ARHGAP44: variants seen among roughly 807,000 people sequenced by gnomAD.
ARHGAP44 encodes rho GTPase-activating protein 44.
Under a neutral mutation model 106.8 loss-of-function variants are expected in ARHGAP44, and 43 were observed. That is an observed-to-expected ratio of 0.40 (90% CI 0.32 to 0.52). The LOEUF (loss-of-function observed/expected upper bound fraction) is 0.52. Ranked by LOEUF, ARHGAP44 falls within the 20% of genes least tolerant of loss-of-function variation. ARHGAP44 has a pLI of 0.48. For missense variants in ARHGAP44, 866 were observed against 1,050.5 expected (o/e 0.82, Z 2.43); for synonymous variants, 439 against 410.3 (o/e 1.07, Z -0.85).
chr17:12,904,559 C>T (rs1045055147), intron 3 of ARHGAP44, among the ~76,000 whole-genome samples: 5 of 152,168 alleles, frequency 3.3e-5, no homozygotes, highest in African/African-American at 1.2e-4. Flanking sequence ...TGAGTAAATA[C>T]ATTTTGTCAT....
chr17:12,941,018 T>TTATGTTTTACCTTGGTTG, intron 7 of ARHGAP44, 38 bp from the exon 8 acceptor site: 1 of 1,597,408 alleles, frequency 6.3e-7, no homozygotes, highest in Non-Finnish European at 8.6e-7. Context: ...CTCCATTGGT[T>TTATGTTTTACCTTGGTTG]TATGTTTTAC....
chr17:12,845,047 T>C (rs1385535189), intron 1 of ARHGAP44, among the ~76,000 whole-genome samples: 1 of 152,174 alleles, frequency 6.6e-6, no homozygotes, highest in African/African-American at 2.4e-5. Context: ...CTCTGTTCAA[T>C]TCTGAATCTT....
At chr17:12,904,107 GT>G (rs11385327) in intron 3 of ARHGAP44, among the ~76,000 whole-genome samples, 1 of 151,484 alleles carries the variant, frequency 6.6e-6, no homozygotes, top group African/African-American at 2.4e-5. Context: ...TGATTCTTTT[GT>G]TTTTTTTCTT....
At chr17:12,862,701 T>A (rs2036121899) in intron 1 of ARHGAP44, among the ~76,000 whole-genome samples, 2 of 152,108 alleles carry the variant, frequency 1.3e-5, no homozygotes, top group Non-Finnish European at 2.9e-5. Context: ...GAATCCTTTT[T>A]AAGATGATTG....
chr17:12,896,202 T>C (rs1048825942), intron 2 of ARHGAP44, among the ~76,000 whole-genome samples: 6 of 152,036 alleles, frequency 3.9e-5, no homozygotes, highest in Non-Finnish European at 8.8e-5. Context: ...GGCACGTGTA[T>C]ACATATGTAA....
intron 1 of ARHGAP44, among the ~76,000 whole-genome samples, chr17:12,841,612 A>T (rs1451598429): frequency 8.3e-5 from 12 of 143,830 alleles, no homozygotes; most frequent in Admixed American, 4.1e-4. Flanking sequence ...ACACACACAC[A>T]CACACACACA....
intron 1 of ARHGAP44, among the ~76,000 whole-genome samples, chr17:12,841,594 T>TCA (rs545804542): frequency 4.3e-4 from 54 of 126,578 alleles, no homozygotes; most frequent in South Asian, 2.4e-3. Context: ...TGTCTCTCTC[T>TCA]CACACACACA....
At chr17:12,933,397 C>A (rs1406645369) in intron 7 of ARHGAP44, among the ~76,000 whole-genome samples, 1 of 152,176 alleles carries the variant, frequency 6.6e-6, no homozygotes, top group Non-Finnish European at 1.5e-5. Context: ...AAAACCAAGT[C>A]AAGATGTGTT....
chr17:12,806,905 T>C (rs1330201248), intron 1 of ARHGAP44, among the ~76,000 whole-genome samples: 2 of 152,158 alleles, frequency 1.3e-5, no homozygotes, highest in East Asian at 1.9e-4. Context: ...GAAACTTTTA[T>C]AAGGTGTCGT....
At chr17:12,968,887 A>G (rs2039458891) in intron 16 of ARHGAP44, among the ~76,000 whole-genome samples, 1 of 150,920 alleles carries the variant, frequency 6.6e-6, no homozygotes. Flanking sequence ...CTCCTGCCTC[A>G]GCCTCCTGAG....
In ARHGAP44 at chr17:12,885,324, G is replaced by GGTGTGTGT. The variant is rs146415425; in HGVS notation, c.54-9595_54-9588dup. On this transcript the variant is annotated intron_variant, in intron 1 of 20. Coordinates refer to ENST00000379672, the MANE Select transcript of ARHGAP44 (RefSeq NM_014859.6). ...AAGCTCTATGGACATTCACAGAGTA[G>GGTGTGTGT]GTGTGTGTGTGTGTGTGTGTGTGTG... Among the ~76,000 whole-genome samples the GGTGTGTGT allele has an allele frequency of 7.4e-3, 1,106 of 148,798 alleles. 13 individuals are homozygous for GGTGTGTGT. Among genetic ancestry groups the GGTGTGTGT allele is most frequent in the African/African-American group, 0.022 (902 of 40,866 alleles).
At chr17:12,856,458 A>T (rs1327119942) in intron 1 of ARHGAP44, among the ~76,000 whole-genome samples, 2 of 152,192 alleles carry the variant, frequency 1.3e-5, no homozygotes, top group Non-Finnish European at 2.9e-5. Flanking sequence ...ACTATTTTTT[A>T]AAAGCAGTAT....
chr17:12,989,173 G>C (rs2040045744), intron 20 of ARHGAP44, among the ~76,000 whole-genome samples: 1 of 148,546 alleles, frequency 6.7e-6, no homozygotes, highest in Non-Finnish European at 1.5e-5. Flanking sequence ...AAAGGACCCA[G>C]GGGATCTGTG....
chr17:12,945,004 A>G (rs1054333339), intron 10 of ARHGAP44, among the ~76,000 whole-genome samples: 4 of 151,828 alleles, frequency 2.6e-5, no homozygotes, highest in Non-Finnish European at 5.9e-5. Flanking sequence ...AAAAATGTCT[A>G]TGAGAAATTT....
At chr17:12,841,594 T>TCACACACACACA (rs545804542) in intron 1 of ARHGAP44, among the ~76,000 whole-genome samples, 4 of 126,582 alleles carry the variant, frequency 3.2e-5, no homozygotes, top group East Asian at 2.6e-4. Flanking sequence ...TGTCTCTCTC[T>TCACACACACACA]CACACACACA....
At chr17:12,943,458 A>G (rs2038758624) in intron 8 of ARHGAP44, 130 bp from the exon 9 acceptor site, 1 of 736,698 alleles carries the variant, frequency 1.4e-6, no homozygotes, top group Admixed American at 2.2e-5. Context: ...TTTTAGGTAG[A>G]TTGGAGGAGG....
At chr17:12,801,368 C>CT (rs1291612297) in intron 1 of ARHGAP44, among the ~76,000 whole-genome samples, 1 of 152,234 alleles carries the variant, frequency 6.6e-6, no homozygotes, top group Non-Finnish European at 1.5e-5. Flanking sequence ...CCCAACAACT[C>CT]TTAAGAGTAG....
intron 1 of ARHGAP44, among the ~76,000 whole-genome samples, chr17:12,844,773 T>C (rs2035514642): frequency 6.6e-6 from 1 of 152,222 alleles, no homozygotes; most frequent in Non-Finnish European, 1.5e-5. Flanking sequence ...TTTTTATTTT[T>C]ATTTATTTAT....
chr17:12,950,137 A>G (rs949734696), intron 12 of ARHGAP44, among the ~76,000 whole-genome samples: 1 of 152,244 alleles, frequency 6.6e-6, no homozygotes, highest in African/African-American at 2.4e-5. Flanking sequence ...ACTTAAAACA[A>G]TAGAATTTTA....
Sources: allele counts gnomAD v4.1 joint callset (sites outside exome capture counted in the v4.1 genomes callset), GRCh38; gene constraint gnomAD v4.1.1; transcripts MANE v1.5; gene names NCBI Gene and HGNC (gene_info 2026-07-23, HGNC 2026-07-21).